RALYL: variants seen among roughly 807,000 people sequenced by gnomAD.
RALYL encodes the protein RALY RNA binding protein like, also known as RNA-binding Raly-like protein.
RALYL carries 29 observed loss-of-function variants against 35.1 expected under a neutral mutation model. That is an observed-to-expected ratio of 0.83 (90% CI 0.61 to 1.13). The LOEUF is 1.13. RALYL is among the 50% of genes most tolerant of loss of function. RALYL has a pLI of 0.00. For synonymous variants in RALYL, 120 were observed against 127.6 expected, an observed-to-expected ratio of 0.94 and a Z score of 0.40; for missense variants, 359 against 360.4, an observed-to-expected ratio of 1.00 and a Z score of 0.03.
intron 4 of RALYL, among the ~76,000 whole-genome samples, chr8:84,848,449 A>G (rs1835126103): frequency 6.6e-6 from 1 of 151,548 alleles, no homozygotes; most frequent in Admixed American, 6.6e-5. Flanking sequence ...ATATATATAT[A>G]TATGTATATA....
intron 1 of RALYL, among the ~76,000 whole-genome samples, chr8:84,425,277 A>C: frequency 6.6e-6 from 1 of 152,104 alleles, no homozygotes; most frequent in Admixed American, 6.5e-5. Flanking sequence ...AGCCGGTCTG[A>C]AAAGCGCAAT....
chr8:84,729,021 G>T (rs534783086), intron 2 of RALYL, among the ~76,000 whole-genome samples: 1 of 152,240 alleles, frequency 6.6e-6, no homozygotes, highest in Admixed American at 6.5e-5. Context: ...GAAAGTCATT[G>T]GTAGTTTGAT....
intron 2 of RALYL, among the ~76,000 whole-genome samples, chr8:84,598,958 T>C (rs949157584): frequency 3.3e-5 from 5 of 152,170 alleles, no homozygotes; most frequent in Non-Finnish European, 5.9e-5. Flanking sequence ...TTTTTGATCA[T>C]AGCCATTCTA....
At chr8:84,667,616 A>T (rs1254883913) in intron 2 of RALYL, among the ~76,000 whole-genome samples, 2 of 152,128 alleles carry the variant, frequency 1.3e-5, no homozygotes, top group Non-Finnish European at 2.9e-5. Context: ...TAATGTTTTT[A>T]AAAATTAATC....
At chr8:84,254,063 C>T (rs994631334) in intron 1 of RALYL, among the ~76,000 whole-genome samples, 2 of 152,086 alleles carry the variant, frequency 1.3e-5, no homozygotes, top group African/African-American at 2.4e-5. Context: ...TCCTGGGGAC[C>T]GCCACAGTTT....
At chr8:84,542,647 T>G (rs1160049760) in intron 2 of RALYL, among the ~76,000 whole-genome samples, 1 of 152,150 alleles carries the variant, frequency 6.6e-6, no homozygotes, top group African/African-American at 2.4e-5. Flanking sequence ...CTGCCATGAT[T>G]GTAAGTTTCC....
intron 2 of RALYL, among the ~76,000 whole-genome samples, chr8:84,739,192 G>T (rs1203932537): frequency 2.0e-5 from 3 of 152,026 alleles, no homozygotes; most frequent in Middle Eastern, 3.4e-3. Context: ...TGGCTGAAAA[G>T]ATTCTGGTAA....
Position 84,386,154 on chromosome 8 carries a change from A to G in RALYL, c.-23-143145A>G, listed in dbSNP as rs568310271. On this transcript the variant is annotated intron_variant, in intron 1 of 8. Coordinates refer to ENST00000521268, the MANE Select transcript of RALYL (RefSeq NM_173848.7). Reference sequence around the variant, plus strand: ...AATAGACTACATTTAAGAATTTTCTATAATTGCCAGAAGTCCAAACCTGTA... The same window carrying G: ...AATAGACTACATTTAAGAATTTTCTGTAATTGCCAGAAGTCCAAACCTGTA... Among the ~76,000 whole-genome samples, 4 of 151,950 alleles carry G rather than the reference A, an allele frequency of 2.6e-5. No homozygotes were observed. In the South Asian group the frequency reaches 8.3e-4, roughly 32 times the overall value.
intron 1 of RALYL, among the ~76,000 whole-genome samples, chr8:84,286,374 C>T (rs1430871124): frequency 6.6e-6 from 1 of 152,098 alleles, no homozygotes; most frequent in Non-Finnish European, 1.5e-5. Context: ...CATGTGGGTA[C>T]AATGAGGCAA....
intron 1 of RALYL, among the ~76,000 whole-genome samples, chr8:84,435,324 A>G (rs2047584686): frequency 6.6e-6 from 1 of 152,182 alleles, no homozygotes; most frequent in Non-Finnish European, 1.5e-5. Flanking sequence ...CTGTATAGAC[A>G]TAACATAACA....
intron 4 of RALYL, among the ~76,000 whole-genome samples, chr8:84,842,523 G>C (rs1297113920): frequency 6.6e-6 from 1 of 152,104 alleles, no homozygotes; most frequent in Non-Finnish European, 1.5e-5. Context: ...ATTCACAGCC[G>C]AATTCTACCA....
At chr8:84,423,013 A>T (rs1267823122) in intron 1 of RALYL, among the ~76,000 whole-genome samples, 5 of 149,182 alleles carry the variant, frequency 3.4e-5, no homozygotes, top group African/African-American at 1.2e-4. Flanking sequence ...TGCTGAAAAA[A>T]ATGTATATTC....
chr8:84,468,377 G>T (rs1028375966), intron 1 of RALYL, among the ~76,000 whole-genome samples: 1 of 151,736 alleles, frequency 6.6e-6, no homozygotes, highest in African/African-American at 2.4e-5. Flanking sequence ...TGTCTGTAAA[G>T]TATTTTATTT....
chr8:84,351,626 G>T (rs1042869295), intron 1 of RALYL, among the ~76,000 whole-genome samples: 2 of 146,664 alleles, frequency 1.4e-5, no homozygotes, highest in African/African-American at 5.1e-5. Flanking sequence ...TTGTTAATTC[G>T]ATTTTTTTTC....
chr8:84,366,280 C>A (rs2131342492), intron 1 of RALYL, among the ~76,000 whole-genome samples: 1 of 152,218 alleles, frequency 6.6e-6, no homozygotes, highest in East Asian at 1.9e-4. Flanking sequence ...CCTAAGAGGG[C>A]AAATTATTCA....
chr8:84,848,529 C>A (rs1310854491), intron 4 of RALYL, among the ~76,000 whole-genome samples: 3 of 151,670 alleles, frequency 2.0e-5, no homozygotes, highest in Non-Finnish European at 4.4e-5. Context: ...CATGGATAAA[C>A]TTTGAAAATA....
intron 1 of RALYL, among the ~76,000 whole-genome samples, chr8:84,366,403 T>G (rs1467396317): frequency 6.6e-6 from 1 of 152,178 alleles, no homozygotes; most frequent in Non-Finnish European, 1.5e-5. Flanking sequence ...ATAAGCACTC[T>G]GTAAACAACA....
rs1181972418 is a variant in RALYL, at chr8:84,915,189, C to T, written c.859-5705C>T. On this transcript the variant is annotated intron_variant, in intron 8 of 8. Coordinates refer to ENST00000521268, the MANE Select transcript of RALYL (RefSeq NM_173848.7). ...TTGTCACCCATGCCCACAAGCTTAG[C>T]CCAGTTCCAGATCCTAAACACCCAT... 3.3e-5 allele frequency among the ~76,000 whole-genome samples: 5 copies of T among 152,176 alleles called. No individual in the cohort carries two copies. The East Asian group carries it at 9.7e-4, about 29-fold the overall frequency.
chr8:84,787,199 C>G (rs961412645), intron 3 of RALYL, among the ~76,000 whole-genome samples: 1 of 151,606 alleles, frequency 6.6e-6, no homozygotes, highest in African/African-American at 2.4e-5. Flanking sequence ...GTGATGTTCC[C>G]CTCTCTGTGT....
Sources: allele counts gnomAD v4.1 joint callset (sites outside exome capture counted in the v4.1 genomes callset), GRCh38; gene constraint gnomAD v4.1.1; transcripts MANE v1.5; gene names NCBI Gene and HGNC (gene_info 2026-07-23, HGNC 2026-07-21).